The following SUCLG2 variants were observed in gnomAD, a reference collection of about 807,000 sequenced individuals.
SUCLG2 encodes succinate--CoA ligase [GDP-forming] subunit beta, mitochondrial.
Under a neutral mutation model 47.9 loss-of-function variants are expected in SUCLG2, and 42 were observed. That is an observed-to-expected ratio of 0.88 (90% confidence interval 0.69 to 1.14). SUCLG2 has a LOEUF of 1.14. Ranked by LOEUF, SUCLG2 falls within the 50% of genes most tolerant of loss-of-function variation. The probability of loss-of-function intolerance (pLI) is 0.00; values close to 1 mark genes in which losing one functional copy is unlikely to be tolerated. For synonymous variants in SUCLG2, 195 were observed against 197.3 expected (o/e 0.99, Z 0.10); for missense variants, 571 against 525.9 (o/e 1.09, Z -0.84).
At chr3:67,598,150 T>C (rs933553471) in intron 2 of SUCLG2, among the ~76,000 whole-genome samples, 1 of 151,908 alleles carries the variant, frequency 6.6e-6, no homozygotes, top group African/African-American at 2.4e-5. Context: ...CCAGCTAATT[T>C]TTTTGTATTT....
At chr3:67,482,462 C>T (rs1704942978) in intron 9 of SUCLG2, among the ~76,000 whole-genome samples, 1 of 97,296 alleles carries the variant, frequency 1.0e-5, no homozygotes, top group African/African-American at 4.0e-5. Context: ...CTTCATGTTT[C>T]TATACTTTTG....
chr3:67,406,105 G>T (rs1002716350), intron 9 of SUCLG2, among the ~76,000 whole-genome samples: 1 of 151,998 alleles, frequency 6.6e-6, no homozygotes, highest in Admixed American at 6.6e-5. Context: ...CCCCCCTTTC[G>T]CAGATGAGAA....
intron 2 of SUCLG2, among the ~76,000 whole-genome samples, chr3:67,581,704 C>T (rs1445588956): frequency 3.9e-5 from 6 of 152,098 alleles, no homozygotes; most frequent in East Asian, 1.9e-4. Flanking sequence ...CTCAAAATGA[C>T]GCCTAACTCG....
chr3:67,580,761 C>T (rs142812710), intron 2 of SUCLG2, among the ~76,000 whole-genome samples: 3,627 of 152,072 alleles, frequency 0.024, 67 homozygotes, highest in Middle Eastern at 0.051. Flanking sequence ...TATTATAGAC[C>T]GTCAATCATA....
In SUCLG2 at chr3:67,495,901, A is replaced by G. The variant is rs764123964; in HGVS notation, c.959T>C (p.Ile320Thr). Reference protein sequence around the residue: ...AGLAMATCDIIFLNGGKPANF... With the variant: ...AGLAMATCDITFLNGGKPANF... ...GGCTGGCTTCCCACCATTAAGGAAA[A>G]TGATATCACAAGTAGCCATGGCGAG... The change falls in exon 9 of 11, where the codon ATT becomes ACT. Residue 320 changes from isoleucine to threonine, a missense_variant. Transcript: ENST00000307227. 1.4e-5 allele frequency: 22 copies of G among 1,613,916 alleles called. No homozygotes were observed. Among genetic ancestry groups the G allele is most frequent in the Admixed American group, 5.0e-5 (3 of 59,988 alleles).
intron 9 of SUCLG2, among the ~76,000 whole-genome samples, chr3:67,464,662 C>T (rs58572329): frequency 2.7e-3 from 407 of 152,316 alleles, no homozygotes; most frequent in African/African-American, 9.3e-3. Flanking sequence ...GGAACTGTCA[C>T]AACGAGAAAA....
At chr3:67,407,611 T>G (rs774934186) in intron 9 of SUCLG2, among the ~76,000 whole-genome samples, 9 of 152,230 alleles carry the variant, frequency 5.9e-5, no homozygotes, top group Non-Finnish European at 1.2e-4. Context: ...GCATTGTATT[T>G]AAAAACACTG....
At chr3:67,373,306 G>A (rs1701977496), downstream of SUCLG2, among the ~76,000 whole-genome samples, 1 of 151,558 alleles carries the variant, frequency 6.6e-6, no homozygotes, top group African/African-American at 2.4e-5. Flanking sequence ...GAAGAGACAT[G>A]AAAATAAAAT....
At chr3:67,547,815 T>A (rs1706908076) in intron 2 of SUCLG2, among the ~76,000 whole-genome samples, 1 of 152,202 alleles carries the variant, frequency 6.6e-6, no homozygotes, top group Non-Finnish European at 1.5e-5. Context: ...TCAAAGGAGA[T>A]GCTACAGCAA....
At chr3:67,504,207 C>CT (rs1553652100) in intron 7 of SUCLG2, among the ~76,000 whole-genome samples, 5 of 132,736 alleles carry the variant, frequency 3.8e-5, no homozygotes, top group African/African-American at 1.2e-4. Flanking sequence ...CTTTTTAGAA[C>CT]TTTTTTTTAG....
chr3:67,546,648 T>G (rs1015497116), intron 2 of SUCLG2, among the ~76,000 whole-genome samples: 1 of 152,164 alleles, frequency 6.6e-6, no homozygotes, highest in African/African-American at 2.4e-5. Context: ...GGCAGAAGAA[T>G]AGCTGGAACC....
At chr3:67,422,566 G>A (rs1392381917) in intron 9 of SUCLG2, among the ~76,000 whole-genome samples, 12 of 148,992 alleles carry the variant, frequency 8.1e-5, no homozygotes, top group Non-Finnish European at 1.8e-4. Flanking sequence ...GAGATGTGGA[G>A]ACAAAGGAAA....
At chr3:67,592,718 CAAAAAAAAA>C (rs754866312) in intron 2 of SUCLG2, among the ~76,000 whole-genome samples, 2 of 80,264 alleles carry the variant, frequency 2.5e-5, no homozygotes, top group Non-Finnish European at 4.5e-5. Context: ...TCACATCCTC[CAAAAAAAAA>C]AAAAAAAAAC....
chr3:67,593,908 C>A (rs1302595274), intron 2 of SUCLG2, among the ~76,000 whole-genome samples: 1 of 152,194 alleles, frequency 6.6e-6, no homozygotes, highest in African/African-American at 2.4e-5. Flanking sequence ...CCACTAGAGG[C>A]CCTGACCCCT....
In SUCLG2 at chr3:67,375,334, A is replaced by T; in HGVS notation, c.*410T>A. ...TTTTAGTAATTAATATATTAAATAT[A>T]ATCTTGTCTGAGTTTTTAAATGGTC... On this transcript the variant is annotated 3_prime_UTR_variant, in exon 11 of 11. Transcript: ENST00000307227. The T allele has an allele frequency of 2.0e-6, 2 of 979,090 alleles. No homozygotes were observed. Among genetic ancestry groups the T allele is most frequent in the Non-Finnish European group, 2.4e-6 (2 of 823,872 alleles). The allele number at this position is 979,090 out of a possible 1,614,324, so 60.7% of individuals were successfully genotyped here.
At chr3:67,410,088 A>C (rs1702900546) in intron 9 of SUCLG2, among the ~76,000 whole-genome samples, 1 of 152,206 alleles carries the variant, frequency 6.6e-6, no homozygotes, top group South Asian at 2.1e-4. Context: ...TATTTTCTGC[A>C]AAAGAGTCAA....
At chr3:67,398,886 C>T (rs1476992375) in intron 10 of SUCLG2, among the ~76,000 whole-genome samples, 2 of 151,870 alleles carry the variant, frequency 1.3e-5, no homozygotes, top group Non-Finnish European at 2.9e-5. Flanking sequence ...ATGGATGAAA[C>T]TGGAAATCGT....
intron 10 of SUCLG2, among the ~76,000 whole-genome samples, chr3:67,398,614 GA>G (rs1702607593): frequency 6.6e-6 from 1 of 151,964 alleles, no homozygotes; most frequent in Non-Finnish European, 1.5e-5. Context: ...TCAGTATGGC[GA>G]TTCCTCAGGG....
intron 9 of SUCLG2, among the ~76,000 whole-genome samples, chr3:67,442,515 C>T (rs1241712807): frequency 2.0e-5 from 3 of 152,212 alleles, no homozygotes; most frequent in Non-Finnish European, 4.4e-5. Context: ...TTCTTATGCA[C>T]ACTGCTCTAG....
Sources: gnomAD v4.1 joint callset for allele counts (sites outside exome capture counted in the v4.1 genomes callset) on GRCh38, gnomAD v4.1.1 for gene constraint, MANE v1.5 for transcripts, NCBI Gene and HGNC (gene_info 2026-07-23, HGNC 2026-07-21) for gene names.